The following SORCS1 variants were observed in gnomAD, a reference collection of about 807,000 sequenced individuals.
SORCS1 encodes the protein sortilin related VPS10 domain containing receptor 1, also known as VPS10 domain-containing receptor SorCS1.
In SORCS1, 60 loss-of-function variants were observed where a neutral mutation model predicts 146.1. That is an observed-to-expected ratio of 0.41 (90% CI 0.33 to 0.51). SORCS1 has a LOEUF of 0.51. Ranked by LOEUF, SORCS1 falls within the 20% of genes least tolerant of loss-of-function variation. SORCS1 has a pLI of 0.21. For synonymous variants in SORCS1, 637 were observed against 584.0 expected (o/e 1.09, Z -1.31); for missense variants, 1,352 against 1,487.6 (o/e 0.91, Z 1.50).
chr10:106,873,632 G>A (rs555986635), intron 2 of SORCS1, among the ~76,000 whole-genome samples: 9 of 136,704 alleles, frequency 6.6e-5, no homozygotes, highest in African/African-American at 1.5e-4. Flanking sequence ...TTCTACATAC[G>A]TTCCTGCTTT....
At chr10:106,824,906 A>G (rs1446392955) in intron 3 of SORCS1, among the ~76,000 whole-genome samples, 1 of 152,206 alleles carries the variant, frequency 6.6e-6, no homozygotes, top group Non-Finnish European at 1.5e-5. Context: ...AGAAATGAGA[A>G]AAAACTGGAG....
intron 2 of SORCS1, among the ~76,000 whole-genome samples, chr10:106,874,401 T>C (rs912632028): frequency 1.3e-5 from 2 of 152,190 alleles, no homozygotes; most frequent in Non-Finnish European, 2.9e-5. Context: ...AGCTTATCAC[T>C]CAAGAAACCA....
intron 24 of SORCS1, among the ~76,000 whole-genome samples, chr10:106,585,385 C>T (rs548644870): frequency 2.6e-5 from 4 of 152,234 alleles, no homozygotes; most frequent in East Asian, 1.9e-4. Context: ...TTAGGGCATG[C>T]CTGACTTTTA....
intron 1 of SORCS1, among the ~76,000 whole-genome samples, chr10:107,118,592 A>T (rs1966196778): frequency 6.6e-6 from 1 of 152,176 alleles, no homozygotes; most frequent in South Asian, 2.1e-4. Context: ...CTTTGCAAAA[A>T]ATTACATAAA....
intron 1 of SORCS1, among the ~76,000 whole-genome samples, chr10:107,015,380 A>G (rs1218974996): frequency 1.3e-5 from 2 of 152,154 alleles, no homozygotes; most frequent in African/African-American, 4.8e-5. Flanking sequence ...GGAGGTTTAA[A>G]GTGATGTTCT....
intron 2 of SORCS1, among the ~76,000 whole-genome samples, chr10:106,946,413 A>G (rs1003684250): frequency 6.6e-6 from 1 of 152,194 alleles, no homozygotes; most frequent in Non-Finnish European, 1.5e-5. Context: ...GTGGGAGGTA[A>G]TTGAATCATG....
At chr10:106,741,921 C>T (rs1181299713) in intron 5 of SORCS1, among the ~76,000 whole-genome samples, 2 of 152,208 alleles carry the variant, frequency 1.3e-5, no homozygotes, top group African/African-American at 4.8e-5. Context: ...GTAGGTAAGG[C>T]TGGTTTAGCT....
In SORCS1 at chr10:106,573,764, AC is replaced by A. The variant is rs1192205864; in HGVS notation, c.*3655del. On this transcript the variant is annotated 3_prime_UTR_variant, in exon 26 of 26. Coordinates refer to ENST00000263054, the MANE Select transcript of SORCS1 (RefSeq NM_052918.5). ...ATACATTCTGCCTTGTTAGTAAAAA[AC>A]AGCCAAAAACCTCAAGCCTGTGGTG... The A allele has an allele frequency of 9.2e-5, 14 of 152,372 alleles. No homozygotes were observed. The highest frequency in any genetic ancestry group is 3.4e-4 in the African/African-American group (14 of 41,450). The allele number at this position is 152,372 out of a possible 1,614,324, so 9.4% of individuals were successfully genotyped here. A position where few individuals can be genotyped will look rare whatever the true frequency, so the allele number is the denominator to read the frequency against.
In SORCS1 at chr10:106,886,270, C is replaced by T. The variant is rs369126592; in HGVS notation, c.627-56597G>A. ...AGAGTGAGACTCTGTTTCAAAACAA[C>T]AACAACAACAACAACAAAACCCAAA... On this transcript the variant is annotated intron_variant, in intron 2 of 25. Transcript: ENST00000263054. Among the ~76,000 whole-genome samples the T allele has an allele frequency of 9.9e-5, 15 of 151,954 alleles. No individual in the cohort carries two copies. The East Asian group carries it at 2.1e-3, about 22-fold the overall frequency.
chr10:106,932,247 T>C (rs896294298), intron 2 of SORCS1, among the ~76,000 whole-genome samples: 3 of 152,206 alleles, frequency 2.0e-5, no homozygotes, highest in Non-Finnish European at 2.9e-5. Context: ...ATTTTTTTGA[T>C]ATATTTGAGT....
intron 2 of SORCS1, among the ~76,000 whole-genome samples, chr10:106,921,497 T>C (rs917349198): frequency 6.6e-6 from 1 of 152,236 alleles, no homozygotes; most frequent in African/African-American, 2.4e-5. Context: ...CAATATTCTT[T>C]ATCTGACTCC....
intron 6 of SORCS1, among the ~76,000 whole-genome samples, chr10:106,726,760 G>T (rs776567044): frequency 1.2e-4 from 18 of 152,100 alleles, no homozygotes; most frequent in Non-Finnish European, 1.9e-4. Flanking sequence ...TCACAGACCC[G>T]CAGCATGGAT....
In SORCS1 at chr10:106,822,782, G is replaced by GTTTTTTTTTT. The variant is rs1158921880; in HGVS notation, c.726+6782_726+6791dup. Among the ~76,000 whole-genome samples the GTTTTTTTTTT allele has an allele frequency of 5.7e-4, 65 of 113,142 alleles. 3 individuals carry two copies. Among genetic ancestry groups the GTTTTTTTTTT allele is most frequent in the African/African-American group, 1.2e-3 (32 of 26,316 alleles). 74.2% of individuals were successfully genotyped at this position (113,142 alleles called of 152,430 possible). A position where few individuals can be genotyped will look rare whatever the true frequency, so the allele number is the denominator to read the frequency against. The stretch of plus-strand genomic sequence containing the variant: ...CACTATGTCTCTGAATTCATGTGTG[G>GTTTTTTTTTT]TTTTTTTTTTTTTTTTTTTTGAATA... On this transcript the variant is annotated intron_variant, in intron 3 of 25. Coordinates refer to ENST00000263054, the MANE Select transcript of SORCS1 (RefSeq NM_052918.5).
chr10:106,776,518 A>G lies in SORCS1; in HGVS notation c.885+16T>C. 1 of 1,613,380 alleles carries G rather than the reference A, an allele frequency of 6.2e-7. No homozygotes were observed. The highest frequency in any genetic ancestry group is 2.2e-5 in the East Asian group (1 of 44,854). On this transcript the variant is annotated intron_variant, in intron 4 of 25. Coordinates refer to ENST00000263054, the MANE Select transcript of SORCS1 (RefSeq NM_052918.5). ...GAACCATGCTTCATTGTCTCAAACA[A>G]GGTAAGTATGCTCACCTTTTGGTCT...
At chr10:106,771,849 G>A (rs1189342990) in intron 4 of SORCS1, among the ~76,000 whole-genome samples, 2 of 152,118 alleles carry the variant, frequency 1.3e-5, no homozygotes, top group South Asian at 2.1e-4. Context: ...GTCTTTACTC[G>A]ATAAGTCTCA....
intron 4 of SORCS1, among the ~76,000 whole-genome samples, chr10:106,766,462 T>C (rs969573997): frequency 6.6e-6 from 1 of 152,166 alleles, no homozygotes; most frequent in Non-Finnish European, 1.5e-5. Context: ...CTTTTTTCCA[T>C]CACCCTCAAT....
intron 1 of SORCS1, among the ~76,000 whole-genome samples, chr10:107,022,197 G>A (rs1958181333): frequency 6.6e-6 from 1 of 152,124 alleles, no homozygotes; most frequent in Non-Finnish European, 1.5e-5. Flanking sequence ...CAAAATTTGG[G>A]CATCTCTTCT....
chr10:106,695,780 G>C (rs970335547), intron 9 of SORCS1, among the ~76,000 whole-genome samples: 6 of 151,838 alleles, frequency 4.0e-5, no homozygotes, highest in African/African-American at 1.5e-4. Context: ...TCATTTCTTG[G>C]CTCTCTTGAA....
intron 23 of SORCS1, 114 bp downstream of exon 23, chr10:106,607,052 T>C: frequency 2.2e-6 from 3 of 1,391,424 alleles, no homozygotes; most frequent in African/African-American, 1.4e-5. Context: ...GCATGTGCTT[T>C]TGGTGAAGCT....
Sources: gnomAD v4.1 joint callset for allele counts (sites outside exome capture counted in the v4.1 genomes callset) on GRCh38, gnomAD v4.1.1 for gene constraint, MANE v1.5 for transcripts, NCBI Gene and HGNC (gene_info 2026-07-23, HGNC 2026-07-21) for gene names.